PTPRM: variants seen among roughly 807,000 people sequenced by gnomAD.
PTPRM encodes the protein protein tyrosine phosphatase receptor type M.
Under a neutral mutation model 186.7 loss-of-function variants are expected in PTPRM, and 47 were observed. The observed-to-expected ratio is 0.25, with a 90% CI of 0.20 to 0.32. PTPRM has a LOEUF of 0.32. Ranked by LOEUF, PTPRM falls within the 10% of genes least tolerant of loss-of-function variation. The pLI, the probability that PTPRM is intolerant of heterozygous loss-of-function variation, is 1.00. For synonymous variants in PTPRM, 668 were observed against 674.9 expected, an observed-to-expected ratio of 0.99 and a Z score of 0.16; for missense variants, 1,494 against 1,865.0, an observed-to-expected ratio of 0.80 and a Z score of 3.66.
intron 1 of PTPRM, among the ~76,000 whole-genome samples, chr18:7,617,828 G>A (rs1375679947): frequency 6.6e-6 from 1 of 152,198 alleles, no homozygotes; most frequent in African/African-American, 2.4e-5. Context: ...ATGCCGCATT[G>A]TTGAATACAT....
intron 14 of PTPRM, among the ~76,000 whole-genome samples, chr18:8,163,367 T>C (rs762777461): frequency 6.6e-6 from 1 of 152,198 alleles, no homozygotes; most frequent in Non-Finnish European, 1.5e-5. Flanking sequence ...TAAGTCTAGC[T>C]TGTCGAATGT....
At chr18:8,069,535 A>G in intron 7 of PTPRM, 151 bp from the exon 8 acceptor site, 1 of 723,248 alleles carries the variant, frequency 1.4e-6, no homozygotes. Context: ...TGGGTAGCCA[A>G]ATGCCTAGCC....
intron 14 of PTPRM, among the ~76,000 whole-genome samples, chr18:8,167,015 C>A (rs2093333620): frequency 6.6e-6 from 1 of 152,204 alleles, no homozygotes; most frequent in African/African-American, 2.4e-5. Flanking sequence ...AAGCACCCTG[C>A]AAAGCCAAGT....
At chr18:8,011,777 T>C (rs1185343956) in intron 7 of PTPRM, among the ~76,000 whole-genome samples, 1 of 152,200 alleles carries the variant, frequency 6.6e-6, no homozygotes, top group Non-Finnish European at 1.5e-5. Flanking sequence ...AGAATGAAGC[T>C]CAAGGTATCA....
intron 14 of PTPRM, among the ~76,000 whole-genome samples, chr18:8,206,025 G>C (rs938742464): frequency 1.3e-5 from 2 of 152,038 alleles, no homozygotes; most frequent in African/African-American, 4.8e-5. Flanking sequence ...ATATTGAAAG[G>C]TGATTAATTT....
intron 14 of PTPRM, among the ~76,000 whole-genome samples, chr18:8,155,474 T>C (rs2093101079): frequency 2.0e-5 from 3 of 152,236 alleles, no homozygotes; most frequent in South Asian, 2.1e-4. Flanking sequence ...ATACCTGTTA[T>C]AGGTAAATAT....
chr18:8,341,835 G>A (rs1002398026), intron 22 of PTPRM, among the ~76,000 whole-genome samples: 5 of 152,198 alleles, frequency 3.3e-5, no homozygotes, highest in African/African-American at 4.8e-5. Flanking sequence ...GATGGAATCC[G>A]ATGTTTACTT....
intron 14 of PTPRM, among the ~76,000 whole-genome samples, chr18:8,171,069 T>C (rs760526106): frequency 6.6e-6 from 1 of 152,228 alleles, no homozygotes; most frequent in Non-Finnish European, 1.5e-5. Flanking sequence ...CCTTGGGCTA[T>C]AGGAGTAGCT....
At chr18:7,963,651 G>T (rs2053828516) in intron 7 of PTPRM, among the ~76,000 whole-genome samples, 1 of 152,194 alleles carries the variant, frequency 6.6e-6, no homozygotes, top group South Asian at 2.1e-4. Context: ...GGAGATTGCA[G>T]TCGGGGGCCT....
intron 29 of PTPRM, among the ~76,000 whole-genome samples, chr18:8,381,462 C>T (rs2095735547): frequency 6.6e-6 from 1 of 151,914 alleles, no homozygotes; most frequent in African/African-American, 2.4e-5. Flanking sequence ...ATCATCCAGC[C>T]ATAAATGGCA....
chr18:7,624,482 C>G (rs1218041701), intron 1 of PTPRM, among the ~76,000 whole-genome samples: 1 of 151,940 alleles, frequency 6.6e-6, no homozygotes, highest in Non-Finnish European at 1.5e-5. Flanking sequence ...CTCTTTGTGC[C>G]TCAGATTCTG....
chr18:8,405,436 C>A (rs1186893135), intron 32 of PTPRM, among the ~76,000 whole-genome samples: 1 of 152,214 alleles, frequency 6.6e-6, no homozygotes, highest in East Asian at 1.9e-4. Context: ...CTCCACTCCA[C>A]GCATCAGTTC....
At chr18:7,595,499 T>C (rs1271796307) in intron 1 of PTPRM, among the ~76,000 whole-genome samples, 1 of 152,180 alleles carries the variant, frequency 6.6e-6, no homozygotes, top group African/African-American at 2.4e-5. Flanking sequence ...TTGAGCCTTT[T>C]AGGGGGACAA....
intron 5 of PTPRM, among the ~76,000 whole-genome samples, chr18:7,937,276 C>A (rs2051875158): frequency 6.6e-6 from 1 of 152,216 alleles, no homozygotes; most frequent in Non-Finnish European, 1.5e-5. Context: ...TAGAAGCTCC[C>A]CGAGCCAGGG....
At chr18:8,053,372 T>G (rs1465856004) in intron 7 of PTPRM, among the ~76,000 whole-genome samples, 1 of 152,026 alleles carries the variant, frequency 6.6e-6, no homozygotes, top group Non-Finnish European at 1.5e-5. Flanking sequence ...TAAATTTGGG[T>G]TTTTGTGCTT....
intron 2 of PTPRM, among the ~76,000 whole-genome samples, chr18:7,843,320 C>T (rs1010258270): frequency 6.6e-6 from 1 of 152,110 alleles, no homozygotes; most frequent in African/African-American, 2.4e-5. Context: ...AAGCAGCTGG[C>T]TGTTTTCTTT....
At chr18:7,902,469 G>T (rs2146512102) in intron 3 of PTPRM, among the ~76,000 whole-genome samples, 1 of 152,284 alleles carries the variant, frequency 6.6e-6, no homozygotes, top group Admixed American at 6.5e-5. Context: ...GCTGGGGGTT[G>T]TGTGGCTGTG....
At chr18:7,725,001 A>G (rs537850092) in intron 1 of PTPRM, among the ~76,000 whole-genome samples, 7 of 152,314 alleles carry the variant, frequency 4.6e-5, no homozygotes, top group East Asian at 1.9e-4. Flanking sequence ...TTTGCATTCC[A>G]TCTATGGCAG....
At chr18:8,087,220 GAA>G (rs1476076945) in intron 10 of PTPRM, among the ~76,000 whole-genome samples, 2 of 152,074 alleles carry the variant, frequency 1.3e-5, no homozygotes, top group African/African-American at 4.8e-5. Context: ...CATGTTTTAA[GAA>G]ATTTTTCCCA....
Sources: allele counts gnomAD v4.1 joint callset (sites outside exome capture counted in the v4.1 genomes callset), GRCh38; gene constraint gnomAD v4.1.1; transcripts MANE v1.5; gene names NCBI Gene and HGNC (gene_info 2026-07-23, HGNC 2026-07-21).